Variants in DGAT2 observed in about 807,000 individuals in gnomAD.
DGAT2 encodes the protein diacylglycerol O-acyltransferase 2, also known as acyl-CoA retinol O-fatty-acyltransferase.
In DGAT2, 33 loss-of-function variants were observed where a neutral mutation model predicts 48.4. That is an observed-to-expected ratio of 0.68 (90% confidence interval 0.52 to 0.91). The LOEUF (loss-of-function observed/expected upper bound fraction) is 0.91, where lower values mean the gene tolerates loss of function less well. Among genes scored for constraint, DGAT2 ranks in the 40% least tolerant of loss-of-function variants. The probability of loss-of-function intolerance (pLI) is 0.00; values close to 1 mark genes in which losing one functional copy is unlikely to be tolerated. For synonymous variants in DGAT2, 191 were observed against 194.1 expected (o/e 0.98, Z 0.13); for missense variants, 446 against 493.7 (o/e 0.90, Z 0.92).
intron 1 of DGAT2, chr11:75,784,401 G>T: frequency 2.0e-6 from 1 of 501,452 alleles, no homozygotes; most frequent in Admixed American, 3.4e-5. Flanking sequence ...TTCCCATTGT[G>T]TATCTATAGA....
chr11:75,773,262 T>C (rs1431855496), intron 1 of DGAT2, among the ~76,000 whole-genome samples: 1 of 152,146 alleles, frequency 6.6e-6, no homozygotes, highest in African/African-American at 2.4e-5. Flanking sequence ...GTGCTGGGGT[T>C]GTAGCTGTTC....
chr11:75,778,888 A>G (rs1011819194), intron 1 of DGAT2, among the ~76,000 whole-genome samples: 1 of 151,748 alleles, frequency 6.6e-6, no homozygotes, highest in African/African-American at 2.4e-5. Flanking sequence ...TGAGGTGAGG[A>G]TTATCACCCT....
At chr11:75,794,124 T>C (rs1275577905) in intron 4 of DGAT2, 1 of 151,892 alleles carries the variant, frequency 6.6e-6, no homozygotes, top group Non-Finnish European at 1.5e-5. Flanking sequence ...AGTGAGGGAG[T>C]CTTGCTCACA....
At chr11:75,797,641 T>C (rs938531195) in intron 6 of DGAT2, among the ~76,000 whole-genome samples, 2 of 151,996 alleles carry the variant, frequency 1.3e-5, no homozygotes, top group African/African-American at 4.8e-5. Flanking sequence ...GACCAGGAGG[T>C]CAGGAAGGAG....
chr11:75,784,567 C>G, intron 1 of DGAT2, 51 bp from the exon 2 acceptor site: 1 of 1,607,758 alleles, frequency 6.2e-7, no homozygotes, highest in Non-Finnish European at 8.5e-7. Flanking sequence ...CTGGGGACCC[C>G]ATGACTGGAG....
At chr11:75,781,109 C>G (rs1944858264) in intron 1 of DGAT2, among the ~76,000 whole-genome samples, 1 of 152,188 alleles carries the variant, frequency 6.6e-6, no homozygotes. Context: ...GGAGGATGCT[C>G]TTTTGTTTCT....
At chr11:75,773,259 G>T (rs1007453001) in intron 1 of DGAT2, among the ~76,000 whole-genome samples, 1 of 152,144 alleles carries the variant, frequency 6.6e-6, no homozygotes, top group African/African-American at 2.4e-5. Flanking sequence ...TGGGTGCTGG[G>T]GTTGTAGCTG....
chr11:75,784,823 C>G, intron 2 of DGAT2, 77 bp downstream of exon 2: 1 of 1,596,222 alleles, frequency 6.3e-7, no homozygotes, highest in South Asian at 1.1e-5. Flanking sequence ...AGGAGCCCTG[C>G]TCTACAGGGG....
At chr11:75,773,571 T>C (rs1466105420) in intron 1 of DGAT2, among the ~76,000 whole-genome samples, 3 of 152,234 alleles carry the variant, frequency 2.0e-5, no homozygotes, top group Non-Finnish European at 4.4e-5. Flanking sequence ...TGTTAGTCCT[T>C]GTCATTTGTC....
At chr11:75,786,335 G>T (rs922266674) in intron 2 of DGAT2, among the ~76,000 whole-genome samples, 4 of 152,138 alleles carry the variant, frequency 2.6e-5, no homozygotes, top group Non-Finnish European at 4.4e-5. Context: ...GGGGTCACAT[G>T]AGAAGAAAGT....
intron 7 of DGAT2, among the ~76,000 whole-genome samples, chr11:75,798,870 G>C (rs904696270): frequency 6.6e-6 from 1 of 152,172 alleles, no homozygotes; most frequent in Non-Finnish European, 1.5e-5. Context: ...AATAGCCTAC[G>C]TGAAGTTCAG....
intron 4 of DGAT2, among the ~76,000 whole-genome samples, chr11:75,791,358 C>T (rs534828448): frequency 6.6e-5 from 10 of 152,340 alleles, no homozygotes; most frequent in Middle Eastern, 3.4e-3. Context: ...GCTCCTTCTG[C>T]TCATCCTTAG....
chr11:75,773,998 C>T (rs1457623238), intron 1 of DGAT2: 1 of 152,266 alleles, frequency 6.6e-6, no homozygotes, highest in Non-Finnish European at 1.5e-5. Context: ...ACTGCAGGGC[C>T]TCTGAGTGAC....
chr11:75,783,370 C>T (rs1323343774), intron 1 of DGAT2, among the ~76,000 whole-genome samples: 1 of 152,240 alleles, frequency 6.6e-6, no homozygotes, highest in Non-Finnish European at 1.5e-5. Flanking sequence ...TAACTTTCAG[C>T]TCATAAGGGT....
chr11:75,769,577 A>G (rs1487539908), intron 1 of DGAT2, among the ~76,000 whole-genome samples: 1 of 151,710 alleles, frequency 6.6e-6, no homozygotes, highest in African/African-American at 2.4e-5. Context: ...CATAGCAGCA[A>G]CTCTTGAGCC....
chr11:75,796,362 A>G lies in DGAT2; in HGVS notation c.464A>G (p.Asn155Ser). The G allele has an allele frequency of 6.2e-7, 1 of 1,614,106 alleles. No individual in the cohort carries two copies. The highest frequency in any genetic ancestry group is 8.5e-7 in the Non-Finnish European group (1 of 1,180,000). ...VKTHNLLTTR[N>S]YIFGYHPHGI... ...ACACACAACCTGCTGACCACCAGGA[A>G]CTATATCTTTGGATACCACCCCCAT... The change falls in exon 5 of 8, where the codon AAC (asparagine) becomes AGC (serine). Residue 155 changes from asparagine (N) to serine (S), a missense_variant. Coordinates refer to ENST00000228027, the MANE Select transcript of DGAT2 (RefSeq NM_032564.5).
chr11:75,797,431 G>A, intron 6 of DGAT2, 99 bp downstream of exon 6: 6 of 1,267,342 alleles, frequency 4.7e-6, no homozygotes, highest in Non-Finnish European at 6.1e-6. Context: ...ACCCCAGGAA[G>A]GCATGGAAGG....
chr11:75,780,252 C>T (rs1944847198), intron 1 of DGAT2, among the ~76,000 whole-genome samples: 2 of 152,196 alleles, frequency 1.3e-5, no homozygotes, highest in South Asian at 4.1e-4. Context: ...TGCTGGACTC[C>T]TCCCAGCCAC....
Position 75,798,281 on chromosome 11 carries a change from G to A in DGAT2, c.864G>A (p.Val288=). The A allele has an allele frequency of 6.2e-7, 1 of 1,614,212 alleles. No individual in the cohort carries two copies. The change falls in exon 7 of 8, where the codon GTG becomes GTA. Residue 288 remains valine (V), a synonymous_variant. Coordinates refer to ENST00000228027, the MANE Select transcript of DGAT2 (RefSeq NM_032564.5). ...GAGAGAATGAAGTGTACAAGCAGGT[G>A]ATCTTCGAGGAGGGCTCCTGGGGCC... ...SFGENEVYKQ[V]IFEEGSWGRW... is the part of the protein sequence containing the mutation.
Sources: gnomAD v4.1 joint callset for allele counts (sites outside exome capture counted in the v4.1 genomes callset) on GRCh38, gnomAD v4.1.1 for gene constraint, MANE v1.5 for transcripts, NCBI Gene and HGNC (gene_info 2026-07-23, HGNC 2026-07-21) for gene names.